The following PDE8B variants were observed in gnomAD, a reference collection of about 807,000 sequenced individuals.
PDE8B encodes phosphodiesterase 8B.
Under a neutral mutation model 101.3 loss-of-function variants are expected in PDE8B, and 26 were observed. The observed-to-expected ratio is 0.26, with a 90% CI of 0.19 to 0.36. PDE8B has a LOEUF of 0.36. Among genes scored for constraint, PDE8B ranks in the 10% least tolerant of loss-of-function variants. The pLI is 1.00. For missense variants in PDE8B, 810 were observed against 1,163.1 expected, an observed-to-expected ratio of 0.70 and a Z score of 4.42; for synonymous variants, 424 against 429.3, an observed-to-expected ratio of 0.99 and a Z score of 0.15.
intron 10 of PDE8B, among the ~76,000 whole-genome samples, chr5:77,385,989 A>C (rs1030473632): frequency 6.6e-6 from 1 of 151,838 alleles, no homozygotes; most frequent in African/African-American, 2.4e-5. Flanking sequence ...GGGTTTCACT[A>C]TGTTGGCCAG....
At chr5:77,249,598 C>T (rs1757645732) in intron 1 of PDE8B, among the ~76,000 whole-genome samples, 1 of 152,162 alleles carries the variant, frequency 6.6e-6, no homozygotes, top group Non-Finnish European at 1.5e-5. Flanking sequence ...CTTAATTTAC[C>T]TGACAGCATT....
Position 77,382,010 on chromosome 5 carries a change from G to A in PDE8B, c.1168-18238G>A, listed in dbSNP as rs562133051. On this transcript the variant is annotated intron_variant, in intron 10 of 21. Coordinates refer to ENST00000264917, the MANE Select transcript of PDE8B (RefSeq NM_003719.5). The stretch of plus-strand genomic sequence containing the variant: ...CTCTGTTTCAGGCTGTTCTGATTTC[G>A]TCTTGTTTATTTTCATAGGTTTTGA... Among the ~76,000 whole-genome samples, 15 of 152,040 alleles carry A rather than the reference G, an allele frequency of 9.9e-5. No homozygotes were observed. In the South Asian group the frequency reaches 1.5e-3, roughly 15 times the overall value.
intron 10 of PDE8B, 49 bp downstream of exon 10, chr5:77,353,455 A>T (rs369406029): frequency 2.0e-6 from 2 of 1,017,574 alleles, no homozygotes; most frequent in African/African-American, 3.2e-5. Flanking sequence ...GCCATGCGTC[A>T]CCTCTGTTCT....
intron 14 of PDE8B, among the ~76,000 whole-genome samples, chr5:77,409,444 TGAAAG>T (rs1561669879): frequency 6.6e-6 from 1 of 152,210 alleles, no homozygotes; most frequent in Non-Finnish European, 1.5e-5. Flanking sequence ...CCTCATGTAA[TGAAAG>T]GGTTTATTGT....
In PDE8B at chr5:77,290,368, G is replaced by A. The variant is rs908688395; in HGVS notation, c.340-21626G>A. On this transcript the variant is annotated intron_variant, in intron 1 of 21. Transcript: ENST00000264917. ...GTGTATAATGGAAGCTGGGGAGGCCGGGGAGAGGTTATTATGACCTGTTGC... is the reference window on the plus strand; with the variant it reads ...GTGTATAATGGAAGCTGGGGAGGCCAGGGAGAGGTTATTATGACCTGTTGC... 92 of 1,399,746 alleles carry A rather than the reference G, an allele frequency of 6.6e-5. No homozygotes were observed. In the Middle Eastern group the frequency reaches 7.0e-4, roughly 11 times the overall value. 86.7% of individuals were successfully genotyped at this position (1,399,746 alleles called of 1,614,324 possible).
At chr5:77,147,121 G>A in the PDE8B span, 12 of 306,580 alleles carry the variant, frequency 3.9e-5, no homozygotes, top group Admixed American at 8.5e-5. Flanking sequence ...AGCAAAAAAA[G>A]GAAGAAGAGG....
At chr5:77,351,820 G>T (rs1781172884) in intron 9 of PDE8B, among the ~76,000 whole-genome samples, 1 of 152,132 alleles carries the variant, frequency 6.6e-6, no homozygotes, top group South Asian at 2.1e-4. Flanking sequence ...CATAGCTTGG[G>T]TGTATAAGGA....
At chr5:77,414,110 A>G (rs1041774376) in intron 17 of PDE8B, among the ~76,000 whole-genome samples, 7 of 152,176 alleles carry the variant, frequency 4.6e-5, no homozygotes, top group African/African-American at 1.7e-4. Context: ...TTTTCTTAGA[A>G]CCAGGTATTG....
intron 9 of PDE8B, among the ~76,000 whole-genome samples, chr5:77,351,476 G>A (rs1781110722): frequency 6.6e-6 from 1 of 152,104 alleles, no homozygotes; most frequent in South Asian, 2.1e-4. Context: ...GGTGCTCTCT[G>A]GCCTCTGCAC....
chr5:77,418,977 C>T (rs2151163514), intron 18 of PDE8B, among the ~76,000 whole-genome samples: 1 of 152,278 alleles, frequency 6.6e-6, no homozygotes, highest in South Asian at 2.1e-4. Flanking sequence ...ACCAGCCAGG[C>T]TGGTGCACAG....
intron 10 of PDE8B, among the ~76,000 whole-genome samples, chr5:77,367,530 C>CTTT (rs3031815): frequency 8.2e-5 from 9 of 109,494 alleles, no homozygotes; most frequent in South Asian, 3.4e-4. Context: ...CTTTTTCTCT[C>CTTT]TTTTTTTTTT....
intron 1 of PDE8B, chr5:77,291,576 G>A (rs1314378060): frequency 6.3e-7 from 1 of 1,598,492 alleles, no homozygotes; most frequent in Non-Finnish European, 8.6e-7. Context: ...CAAAGATCTG[G>A]GCAGAATCTT....
the PDE8B span, among the ~76,000 whole-genome samples, chr5:77,154,904 T>C: frequency 6.6e-6 from 1 of 152,188 alleles, no homozygotes; most frequent in African/African-American, 2.4e-5. Context: ...TGTCAAAGAA[T>C]CATGGACTCT....
intron 1 of PDE8B, among the ~76,000 whole-genome samples, chr5:77,263,872 T>A (rs1240934603): frequency 6.6e-6 from 1 of 152,196 alleles, no homozygotes; most frequent in Non-Finnish European, 1.5e-5. Flanking sequence ...ATCACCATAA[T>A]CAATTTTAGA....
At chr5:77,208,114 C>G (rs1580311917), upstream of PDE8B, among the ~76,000 whole-genome samples, 1 of 152,184 alleles carries the variant, frequency 6.6e-6, no homozygotes, top group Non-Finnish European at 1.5e-5. Flanking sequence ...GTAGAAAGTT[C>G]AACCTAAATT....
chr5:77,187,597 A>G, the PDE8B span, among the ~76,000 whole-genome samples: 2 of 152,148 alleles, frequency 1.3e-5, no homozygotes, highest in African/African-American at 4.8e-5. Context: ...ATTCCCTACA[A>G]TTAGTGGTAT....
intron 13 of PDE8B, 114 bp downstream of exon 13, chr5:77,407,571 A>T: frequency 2.6e-6 from 2 of 782,526 alleles, no homozygotes; most frequent in Non-Finnish European, 4.5e-6. Context: ...GAAGCAAATA[A>T]CAGGCAAATA....
chr5:77,348,628 GT>G (rs1223845587), intron 7 of PDE8B, among the ~76,000 whole-genome samples: 12 of 152,320 alleles, frequency 7.9e-5, no homozygotes, highest in Admixed American at 5.2e-4. Flanking sequence ...GAGAAATCCA[GT>G]TGTGGAGATG....
At chr5:77,128,419 C>A in the PDE8B span, among the ~76,000 whole-genome samples, 1 of 152,248 alleles carries the variant, frequency 6.6e-6, no homozygotes, top group Non-Finnish European at 1.5e-5. Flanking sequence ...TGTTCACCTA[C>A]AACGTGCCAT....
Sources: gnomAD v4.1 joint callset for allele counts (sites outside exome capture counted in the v4.1 genomes callset) on GRCh38, gnomAD v4.1.1 for gene constraint, MANE v1.5 for transcripts, NCBI Gene and HGNC (gene_info 2026-07-23, HGNC 2026-07-21) for gene names.